The following KCNQ1 variants were observed in gnomAD, a reference collection of about 807,000 sequenced individuals.
KCNQ1 encodes the protein potassium voltage-gated channel subfamily Q member 1.
A neutral mutation model predicts 72.4 loss-of-function variants in KCNQ1; 49 were observed. That is an observed-to-expected ratio of 0.68 (90% confidence interval 0.54 to 0.86). The LOEUF is 0.86. Ranked by LOEUF, KCNQ1 falls within the 40% of genes least tolerant of loss-of-function variation. The pLI, the probability that KCNQ1 is intolerant of heterozygous loss-of-function variation, is 0.00. For synonymous variants in KCNQ1, 450 were observed against 412.6 expected (o/e 1.09, Z -1.10); for missense variants, 790 against 945.1 (o/e 0.84, Z 2.15).
chr11:2,629,774 G>A, intron 10 of KCNQ1: 1 of 398,362 alleles, frequency 2.5e-6, no homozygotes. Flanking sequence ...TGCTGATTTT[G>A]TATCCTGCCA....
intron 11 of KCNQ1, chr11:2,699,365 G>A: frequency 5.0e-6 from 2 of 399,390 alleles, no homozygotes; most frequent in Admixed American, 4.4e-5. Flanking sequence ...CGCGCCGTCC[G>A]CCCAGGTCCG....
At chr11:2,660,490 A>T (rs1002179542) in intron 10 of KCNQ1, 1 of 398,552 alleles carries the variant, frequency 2.5e-6, no homozygotes, top group African/African-American at 2.1e-5. Context: ...GAAGCTATCT[A>T]TGCCTCATAT....
At chr11:2,568,414 G>A (rs974926066) in intron 2 of KCNQ1, among the ~76,000 whole-genome samples, 3 of 152,224 alleles carry the variant, frequency 2.0e-5, no homozygotes, top group Non-Finnish European at 4.4e-5. Flanking sequence ...GCCACCAATA[G>A]TCGGGTGAGC....
At chr11:2,551,791 A>G (rs1462790399) in intron 2 of KCNQ1, among the ~76,000 whole-genome samples, 1 of 152,214 alleles carries the variant, frequency 6.6e-6, no homozygotes, top group Non-Finnish European at 1.5e-5. Context: ...AGCTTTGCCC[A>G]TCCTAAAGGC....
At chr11:2,771,328 A>C (rs1423926866) in intron 12 of KCNQ1, 5 of 152,264 alleles carry the variant, frequency 3.3e-5, no homozygotes, top group Admixed American at 3.3e-4. Flanking sequence ...GTTGATATCA[A>C]GGATATCCCA....
chr11:2,548,327 G>A (rs1231113960), intron 2 of KCNQ1, among the ~76,000 whole-genome samples: 2 of 152,248 alleles, frequency 1.3e-5, no homozygotes, highest in Non-Finnish European at 2.9e-5. Flanking sequence ...GTTTCTCAAA[G>A]TCTGAATCAA....
In KCNQ1 at chr11:2,717,001, C is replaced by T. The variant is rs78913215; in HGVS notation, c.1515-51843C>T. Among the ~76,000 whole-genome samples, 19 of 152,318 alleles carry T rather than the reference C, an allele frequency of 1.2e-4. No individual in the cohort carries two copies. In the East Asian group the frequency reaches 2.3e-3, roughly 19 times the overall value. On this transcript the variant is annotated intron_variant, in intron 11 of 15. Transcript: ENST00000155840. Reference sequence around the variant, plus strand: ...GGAGCTGTTCAGTGGGCCCTGTATTCGCCAGCACAGCCATGGTCCTGCTGA... The same window carrying T: ...GGAGCTGTTCAGTGGGCCCTGTATTTGCCAGCACAGCCATGGTCCTGCTGA...
chr11:2,651,534 G>A lies in KCNQ1; in HGVS notation c.1394-10427G>A. 2 of 398,614 alleles carry A rather than the reference G, an allele frequency of 5.0e-6. No homozygotes were observed. The highest frequency in any genetic ancestry group is 8.8e-5 in the Admixed American group (2 of 22,738). 24.7% of individuals were successfully genotyped at this position (398,614 alleles called of 1,614,324 possible). On this transcript the variant is annotated intron_variant, in intron 10 of 15. Coordinates refer to ENST00000155840, the MANE Select transcript of KCNQ1 (RefSeq NM_000218.3). This position sits in a 1 kb window ranked among gnomAD's most constrained non-coding sequence, Gnocchi z 6.1. ...ACGTGAATGCTAAGGGCATATGAGT[G>A]TGTCCCTGAGAACATGGATATTGTG...
intron 10 of KCNQ1, chr11:2,635,563 C>G (rs1243606015): frequency 6.6e-6 from 1 of 152,130 alleles, no homozygotes; most frequent in Non-Finnish European, 1.5e-5. Flanking sequence ...GTACCAGTAC[C>G]ATGCTGTTTT....
rs2237865 is a variant in KCNQ1 at position 2,508,611 on chromosome 11, T to C, written c.387-19317T>C. ...CCCACCAGGACCCAGACTCCCAGACTAGCAGGTGGGCTTCTCAGAGCACAG... is the reference window on the plus strand; with the variant it reads ...CCCACCAGGACCCAGACTCCCAGACCAGCAGGTGGGCTTCTCAGAGCACAG... On this transcript the variant is annotated intron_variant, in intron 1 of 15. Transcript: ENST00000155840. The surrounding 1 kb of genome is among the most constrained non-coding windows in gnomAD (Gnocchi z 6.2). Among the ~76,000 whole-genome samples, 75,679 of 151,892 alleles carry C rather than the reference T, an allele frequency of 0.5. 19,241 individuals carry two copies. The highest frequency in any genetic ancestry group is 0.55 in the Non-Finnish European group (37,476 of 67,914).
At chr11:2,487,703 AT>A (rs1437661701) in intron 1 of KCNQ1, among the ~76,000 whole-genome samples, 1 of 152,156 alleles carries the variant, frequency 6.6e-6, no homozygotes, top group Non-Finnish European at 1.5e-5. Flanking sequence ...CTGATTTTGC[AT>A]GTTTACCTTA....
At position 2,588,645 on chromosome 11, in the gene KCNQ1, C is replaced by T. The variant is rs537028927; in HGVS notation, c.1252-68C>T. On this transcript the variant is annotated intron_variant, in intron 9 of 15. Coordinates refer to ENST00000155840, the MANE Select transcript of KCNQ1 (RefSeq NM_000218.3). This position sits in a 1 kb window ranked among gnomAD's most constrained non-coding sequence, Gnocchi z 5.6. ...GGCTCGGGGCGGCTGCACAGGCACT[C>T]TGGGGCCGGCGTAGGGCCTGGCAGA... The T allele has an allele frequency of 6.8e-5, 109 of 1,601,882 alleles. No homozygotes were observed. Among genetic ancestry groups the T allele is most frequent in the Non-Finnish European group, 9.1e-5 (107 of 1,174,886 alleles).
At chr11:2,838,826 C>T (rs956744397) in intron 15 of KCNQ1, among the ~76,000 whole-genome samples, 4 of 152,138 alleles carry the variant, frequency 2.6e-5, no homozygotes, top group African/African-American at 7.2e-5. Context: ...CCCTGGCCTC[C>T]GGGCCTCTGC....
In KCNQ1 at chr11:2,492,160, T is replaced by C. The variant is rs1234861846; in HGVS notation, c.387-35768T>C. Among the ~76,000 whole-genome samples the C allele has an allele frequency of 6.6e-6, 1 of 152,130 alleles. No individual in the cohort carries two copies. The highest frequency in any genetic ancestry group is 1.9e-4 in the East Asian group (1 of 5,192). ...AGGTACAAAACTCACTGGTAATACA[T>C]ACACAGAAATACAAATAGTATTATA... On this transcript the variant is annotated intron_variant, in intron 1 of 15. Transcript: ENST00000155840. This position sits in a 1 kb window ranked among gnomAD's most constrained non-coding sequence, Gnocchi z 4.1.
rs1046706994 is a variant in KCNQ1 at position 2,683,750 on chromosome 11, C to T, written c.1514+21669C>T. The T allele has an allele frequency of 3.8e-5, 15 of 398,500 alleles. 1 individual carries two copies. The highest frequency in any genetic ancestry group is 1.3e-4 in the Admixed American group (3 of 22,706). The allele number at this position is 398,500 out of a possible 1,614,324, so 24.7% of individuals were successfully genotyped here. On this transcript the variant is annotated intron_variant, in intron 11 of 15. Coordinates refer to ENST00000155840, the MANE Select transcript of KCNQ1 (RefSeq NM_000218.3). The surrounding 1 kb of genome is among the most constrained non-coding windows in gnomAD (Gnocchi z 4.7). ...TACCTAGCTTTAGCTCTGAGGCAGC[C>T]CAGATGACATGGGCCTCTAAGGCTG...
At chr11:2,794,858 G>A (rs946103384) in intron 15 of KCNQ1, among the ~76,000 whole-genome samples, 2 of 152,086 alleles carry the variant, frequency 1.3e-5, no homozygotes, top group Admixed American at 6.5e-5. Context: ...AGGGAAAGAC[G>A]GGAGGTCCAC....
At chr11:2,556,672 C>G (rs939613112) in intron 2 of KCNQ1, among the ~76,000 whole-genome samples, 1 of 152,200 alleles carries the variant, frequency 6.6e-6, no homozygotes, top group African/African-American at 2.4e-5. Flanking sequence ...TCTATACCCA[C>G]AGAGCCGTTG....
intron 15 of KCNQ1, among the ~76,000 whole-genome samples, chr11:2,780,466 C>T (rs1481047908): frequency 6.6e-6 from 1 of 152,222 alleles, no homozygotes; most frequent in African/African-American, 2.4e-5. Context: ...GCCCTGCCAA[C>T]CCCAGCCAGA....
chr11:2,654,851 C>G lies in KCNQ1; in HGVS notation c.1394-7110C>G. The G allele has an allele frequency of 2.5e-6, 1 of 398,528 alleles. No individual in the cohort carries two copies. Among genetic ancestry groups the G allele is most frequent in the Admixed American group, 4.4e-5 (1 of 22,724 alleles). The allele number at this position is 398,528 out of a possible 1,614,324, so 24.7% of individuals were successfully genotyped here. On this transcript the variant is annotated intron_variant, in intron 10 of 15. Coordinates refer to ENST00000155840, the MANE Select transcript of KCNQ1 (RefSeq NM_000218.3). This position sits in a 1 kb window ranked among gnomAD's most constrained non-coding sequence, Gnocchi z 6.4. Reference sequence around the variant, plus strand: ...GCTCTATGTAGCCTCATGGGCAGCTCCAGGCCAGGTGGAGGGACATATTCT... The same window carrying G: ...GCTCTATGTAGCCTCATGGGCAGCTGCAGGCCAGGTGGAGGGACATATTCT...
Sources: allele counts gnomAD v4.1 joint callset (sites outside exome capture counted in the v4.1 genomes callset), GRCh38; gene constraint gnomAD v4.1.1; non-coding constraint Gnocchi (gnomAD v3.1); transcripts MANE v1.5; gene names NCBI Gene and HGNC (gene_info 2026-07-23, HGNC 2026-07-21).